MITF: variants seen among roughly 807,000 people sequenced by gnomAD.
The protein encoded by MITF is microphthalmia-associated transcription factor.
MITF carries 17 observed loss-of-function variants against 60.5 expected under a neutral mutation model. The ratio of observed to expected loss-of-function variants is 0.28; its 90% CI spans 0.19 to 0.42. The LOEUF (loss-of-function observed/expected upper bound fraction) is 0.42. Ranked by LOEUF, MITF falls within the 10% of genes least tolerant of loss-of-function variation. MITF has a pLI of 1.00. For synonymous variants in MITF, 260 were observed against 248.5 expected, an observed-to-expected ratio of 1.05 and a Z score of -0.43; for missense variants, 622 against 683.5, an observed-to-expected ratio of 0.91 and a Z score of 1.00.
chr3:69,841,863 A>G (rs544710389), intron 1 of MITF, among the ~76,000 whole-genome samples: 1 of 152,314 alleles, frequency 6.6e-6, no homozygotes, highest in South Asian at 2.1e-4. Context: ...AAAAGACTGA[A>G]AGGAAAAATA....
chr3:69,776,556 C>T (rs941237686), intron 1 of MITF, among the ~76,000 whole-genome samples: 5 of 152,196 alleles, frequency 3.3e-5, no homozygotes, highest in Non-Finnish European at 7.3e-5. Flanking sequence ...GTGTTGATAA[C>T]AACTTGTGGT....
intron 1 of MITF, among the ~76,000 whole-genome samples, chr3:69,865,485 G>GACA (rs1448203246): frequency 6.6e-6 from 1 of 152,140 alleles, no homozygotes; most frequent in East Asian, 1.9e-4. Context: ...GCATTTTAAA[G>GACA]TGTTTTTTGA....
At chr3:69,850,245 C>A (rs961032181) in intron 1 of MITF, among the ~76,000 whole-genome samples, 6 of 152,126 alleles carry the variant, frequency 3.9e-5, no homozygotes, top group Non-Finnish European at 8.8e-5. Flanking sequence ...ACTAGTTAGA[C>A]AATGAGGTGA....
At chr3:69,962,834 T>C (rs2066583721) in intron 9 of MITF, among the ~76,000 whole-genome samples, 1 of 152,150 alleles carries the variant, frequency 6.6e-6, no homozygotes, top group Admixed American at 6.5e-5. Flanking sequence ...ACCCAGCTAG[T>C]GCTGCTGTAG....
At chr3:69,923,833 C>A (rs2065523810) in intron 2 of MITF, among the ~76,000 whole-genome samples, 1 of 152,168 alleles carries the variant, frequency 6.6e-6, no homozygotes, top group African/African-American at 2.4e-5. Context: ...CCTCCCTTTA[C>A]AGATTTTTAT....
intron 1 of MITF, chr3:69,866,151 C>T (rs1239853456): frequency 2.7e-6 from 4 of 1,469,304 alleles, no homozygotes; most frequent in African/African-American, 1.4e-5. Context: ...AACCAGGCAC[C>T]GTTCTAGCAC....
intron 7 of MITF, among the ~76,000 whole-genome samples, chr3:69,952,777 A>G (rs746346199): frequency 6.6e-6 from 1 of 152,036 alleles, no homozygotes. Context: ...TTTAACACAA[A>G]CGGTATCATA....
chr3:69,907,614 A>AT (rs2065129140), intron 2 of MITF, among the ~76,000 whole-genome samples: 1 of 152,160 alleles, frequency 6.6e-6, no homozygotes, highest in African/African-American at 2.4e-5. Context: ...TGTATTTGAA[A>AT]TCACCCTTGA....
intron 1 of MITF, chr3:69,866,128 T>C: frequency 7.6e-7 from 1 of 1,317,808 alleles, no homozygotes; most frequent in Non-Finnish European, 1.0e-6. Flanking sequence ...ACAGGTCTGC[T>C]GTTGCAGACA....
intron 1 of MITF, among the ~76,000 whole-genome samples, chr3:69,755,720 C>T (rs1347757979): frequency 6.6e-6 from 1 of 152,024 alleles, no homozygotes; most frequent in Non-Finnish European, 1.5e-5. Flanking sequence ...ATGTGGATAC[C>T]TTCATCAGTT....
intron 2 of MITF, among the ~76,000 whole-genome samples, chr3:69,932,921 A>C (rs2065754275): frequency 6.6e-6 from 1 of 152,144 alleles, no homozygotes; most frequent in Non-Finnish European, 1.5e-5. Context: ...CAATTGATTA[A>C]AGGGTAATCC....
At chr3:69,873,418 T>C (rs766091089) in intron 1 of MITF, among the ~76,000 whole-genome samples, 2 of 152,146 alleles carry the variant, frequency 1.3e-5, no homozygotes, top group African/African-American at 2.4e-5. Context: ...GCACTTCCAA[T>C]AGATTGTTAA....
chr3:69,889,025 G>GTTTTTTTTTTTTTTTTTT (rs4057977), intron 2 of MITF, among the ~76,000 whole-genome samples: 5 of 58,818 alleles, frequency 8.5e-5, no homozygotes, highest in Admixed American at 2.2e-4. Flanking sequence ...ATAGCCTTTG[G>GTTTTTTTTTTTTTTTTTT]TTTTTTTTTT....
At chr3:69,896,134 G>A (rs766975597) in intron 2 of MITF, among the ~76,000 whole-genome samples, 6 of 152,092 alleles carry the variant, frequency 3.9e-5, no homozygotes, top group Non-Finnish European at 7.4e-5. Flanking sequence ...AACCTCCCAT[G>A]TTGTTGGCAA....
At chr3:69,810,235 C>G (rs949172883) in intron 1 of MITF, among the ~76,000 whole-genome samples, 1 of 152,090 alleles carries the variant, frequency 6.6e-6, no homozygotes, top group Non-Finnish European at 1.5e-5. Flanking sequence ...TGACTGAGGC[C>G]GGTGTTCAGG....
chr3:69,834,846 C>CTT (rs71126468), intron 1 of MITF, among the ~76,000 whole-genome samples: 40,294 of 129,392 alleles, frequency 0.31, 7,456 homozygotes, highest in Non-Finnish European at 0.43. Flanking sequence ...GTTTTCTTTT[C>CTT]TTTTTTTTTT....
intron 4 of MITF, 43 bp downstream of exon 4, chr3:69,939,224 G>A (rs1336960512): frequency 1.3e-6 from 2 of 1,547,194 alleles, no homozygotes; most frequent in Admixed American, 1.7e-5. Context: ...ACTTTGTAAT[G>A]AGAATCTATA....
Position 69,801,509 on chromosome 3 carries a change from G to T in MITF, c.104+61808G>T, listed in dbSNP as rs112223434. ...CTCTGATTTCTAGGAACTTAACAGT[G>T]GAATATAGACCGCATTGATGCCAAG... On this transcript the variant is annotated intron_variant, in intron 1 of 9. Coordinates refer to ENST00000352241, the MANE Select transcript of MITF (RefSeq NM_001354604.2). 4.3e-3 allele frequency among the ~76,000 whole-genome samples: 660 copies of T among 152,216 alleles called. 6 individuals are homozygous for T. The highest frequency in any genetic ancestry group is 0.015 in the African/African-American group (612 of 41,534).
chr3:69,745,673 A>T (rs1703698138), intron 1 of MITF, among the ~76,000 whole-genome samples: 1 of 152,058 alleles, frequency 6.6e-6, no homozygotes, highest in Non-Finnish European at 1.5e-5. Context: ...ACCTGATGAT[A>T]CCTCATGGTG....
Sources: allele counts gnomAD v4.1 joint callset (sites outside exome capture counted in the v4.1 genomes callset), GRCh38; gene constraint gnomAD v4.1.1; transcripts MANE v1.5; gene names NCBI Gene and HGNC (gene_info 2026-07-23, HGNC 2026-07-21).